Variants in PROCR observed in about 807,000 individuals in gnomAD.
PROCR encodes endothelial protein C receptor.
A neutral mutation model predicts 24.2 loss-of-function variants in PROCR; 22 were observed. The observed-to-expected ratio is 0.91, with a 90% CI of 0.65 to 1.30. PROCR has a LOEUF of 1.30. PROCR is among the 50% of genes most tolerant of loss of function. The pLI is 0.00. For synonymous variants in PROCR, 137 were observed against 139.2 expected, an observed-to-expected ratio of 0.98 and a Z score of 0.11; for missense variants, 288 against 307.7, an observed-to-expected ratio of 0.94 and a Z score of 0.48.
At chr20:35,178,567 G>C (rs2086049370), downstream of PROCR, among the ~76,000 whole-genome samples, 1 of 68,306 alleles carries the variant, frequency 1.5e-5, no homozygotes, top group Non-Finnish European at 2.5e-5. Context: ...CCAGGCTGGA[G>C]TGCAGTGGCG....
Position 35,214,700 on chromosome 20 carries a change from A to AT in PROCR, c.95-1193_95-1192insT, listed in dbSNP as rs2060375038. 2.6e-5 allele frequency among the ~76,000 whole-genome samples: 4 copies of AT among 151,866 alleles called. No individual in the cohort carries two copies. In the East Asian group the frequency reaches 7.8e-4, roughly 30 times the overall value. ...CGAAACTCCATCTCAAAAAAAAAAA[A>AT]AAAAAATTACAAAAGGCTGCATAGT... On this transcript the variant is annotated intron_variant, in intron 1 of 1. Transcript: ENST00000634509.
rs568498149 is a variant in PROCR at position 35,195,844 on chromosome 20, G to C, written c.94+19398G>C. 1.7e-4 allele frequency among the ~76,000 whole-genome samples: 25 copies of C among 146,314 alleles called. No homozygotes were observed. In the South Asian group the frequency reaches 2.1e-3, roughly 13 times the overall value. ...TCAAAAAAAAAAAAAAAAAGAAAAA[G>C]AAAAGAAAGAAAGAAAGAAAAAGAA... On this transcript the variant is annotated intron_variant, in intron 1 of 1. Transcript: ENST00000634509.
chr20:35,176,983 A>G lies in PROCR; in HGVS notation c.*170A>G. On this transcript the variant is annotated 3_prime_UTR_variant, in exon 4 of 4. Transcript: ENST00000216968. ...AAGATTTGAGGGAGGGGAGATGGAGAGGAGAGGTGGACAAAGTACTTGGTT... is the reference window on the plus strand; with the variant it reads ...AAGATTTGAGGGAGGGGAGATGGAGGGGAGAGGTGGACAAAGTACTTGGTT... 6.8e-7 allele frequency: 1 copy of G among 1,476,764 alleles called. No individual in the cohort carries two copies. Among genetic ancestry groups the G allele is most frequent in the Non-Finnish European group, 9.0e-7 (1 of 1,113,606 alleles). 91.5% of individuals were successfully genotyped at this position (1,476,764 alleles called of 1,614,324 possible).
Position 35,175,872 on chromosome 20 carries a change from G to A in PROCR, c.323-296G>A, listed in dbSNP as rs1298067546. Among the ~76,000 whole-genome samples, 4 of 151,298 alleles carry A rather than the reference G, an allele frequency of 2.6e-5. No homozygotes were observed. The East Asian group carries it at 7.8e-4, about 29-fold the overall frequency. ...AGTGCTGGGATTACAGGCGTGAGCT[G>A]CCGCCCCTGCCCCAGCCTCACCCCC... On this transcript the variant is annotated intron_variant, in intron 2 of 3. Transcript: ENST00000216968.
At chr20:35,171,497 T>G (rs1419160684), upstream of PROCR, among the ~76,000 whole-genome samples, 2 of 152,208 alleles carry the variant, frequency 1.3e-5, no homozygotes, top group Non-Finnish European at 2.9e-5. Context: ...TTATACAGAT[T>G]GCTCATAATT....
At chr20:35,183,262 G>A (rs2146154241) in intron 1 of PROCR, among the ~76,000 whole-genome samples, 1 of 152,308 alleles carries the variant, frequency 6.6e-6, no homozygotes, top group Middle Eastern at 3.4e-3. Flanking sequence ...GGCATAATGG[G>A]AGGTGTTTGG....
chr20:35,174,492 C>A, intron 1 of PROCR: 1 of 646,200 alleles, frequency 1.5e-6, no homozygotes, highest in Non-Finnish European at 2.7e-6. Context: ...CCTCAGTTTC[C>A]TCATCTGTAA....
At position 35,176,941 on chromosome 20, in the gene PROCR, C is replaced by G. The variant is rs1389035492; in HGVS notation, c.*128C>G. ...TTTGGAGTGACAGCTCCTTTCTTCT[C>G]CCACATCTGCCCACTGAAGATTTGA... On this transcript the variant is annotated 3_prime_UTR_variant, in exon 4 of 4. Transcript: ENST00000216968. 1 of 1,521,442 alleles carries G rather than the reference C, an allele frequency of 6.6e-7. No homozygotes were observed. The highest frequency in any genetic ancestry group is 1.4e-5 in the African/African-American group (1 of 72,384). The allele number at this position is 1,521,442 out of a possible 1,614,324, so 94.2% of individuals were successfully genotyped here.
At chr20:35,178,947 G>C (rs1027060967), downstream of PROCR, among the ~76,000 whole-genome samples, 1 of 150,794 alleles carries the variant, frequency 6.6e-6, no homozygotes, top group South Asian at 2.1e-4. Flanking sequence ...TATGCCAAGC[G>C]CAAGCTGGGC....
chr20:35,182,124 AC>A (rs1385757943), downstream of PROCR, among the ~76,000 whole-genome samples: 2 of 152,228 alleles, frequency 1.3e-5, no homozygotes, highest in African/African-American at 4.8e-5. Flanking sequence ...GAAAAGGAAA[AC>A]TTTAGATACC....
At chr20:35,175,572 A>ACC (rs372940050) in intron 2 of PROCR, among the ~76,000 whole-genome samples, 3 of 51,388 alleles carry the variant, frequency 5.8e-5, no homozygotes, top group Non-Finnish European at 6.3e-5. Context: ...CCCCCACCCC[A>ACC]CCCCCCTTTT....
chr20:35,193,708 A>G (rs2086192998), intron 1 of PROCR, among the ~76,000 whole-genome samples: 1 of 152,240 alleles, frequency 6.6e-6, no homozygotes. Context: ...AAATGCATTC[A>G]TTATGTACAT....
Position 35,174,788 on chromosome 20 carries a change from C to A in PROCR, c.157C>A (p.His53Asn). 6.2e-7 allele frequency: 1 copy of A among 1,614,118 alleles called. No individual in the cohort carries two copies. Among genetic ancestry groups the A allele is most frequent in the Non-Finnish European group, 8.5e-7 (1 of 1,180,002 alleles). ...CCAGGGCAACGCGTCGCTGGGGGGACACCTAACGCACGTGCTGGAAGGCCC... is the reference window on the plus strand; with the variant it reads ...CCAGGGCAACGCGTCGCTGGGGGGAAACCTAACGCACGTGCTGGAAGGCCC... ...WYQGNASLGG[H>N]LTHVLEGPDT... Residue 53 changes from histidine to asparagine, a missense_variant, in exon 2 of 4, where the codon CAC becomes AAC. His to Asn is a moderately conservative substitution (Grantham distance 68, BLOSUM62 1). Coordinates refer to ENST00000216968, the MANE Select transcript of PROCR (RefSeq NM_006404.5).
intron 1 of PROCR, chr20:35,174,443 GA>G (rs1201475815): frequency 1.1e-5 from 6 of 540,204 alleles, no homozygotes; most frequent in East Asian, 3.3e-5. Flanking sequence ...AGCCGAGGGT[GA>G]AAAAGGAGGC....
chr20:35,191,227 A>G (rs1315242438), intron 1 of PROCR, among the ~76,000 whole-genome samples: 1 of 152,182 alleles, frequency 6.6e-6, no homozygotes, highest in African/African-American at 2.4e-5. Flanking sequence ...GCAGTTCAGT[A>G]ACCTGCTATT....
chr20:35,189,313 G>A (rs2146161520), intron 1 of PROCR, among the ~76,000 whole-genome samples: 1 of 152,170 alleles, frequency 6.6e-6, no homozygotes, highest in Admixed American at 6.5e-5. Flanking sequence ...TCTGCCTTAT[G>A]CAGTTACAGA....
At chr20:35,211,071 A>T (rs371229849) in intron 1 of PROCR, among the ~76,000 whole-genome samples, 5 of 152,228 alleles carry the variant, frequency 3.3e-5, no homozygotes, top group African/African-American at 1.2e-4. Flanking sequence ...TGGAGCCTCA[A>T]CCCCAGGAAC....
At chr20:35,174,629 AG>A in intron 1 of PROCR, 72 bp from the exon 2 acceptor site, 2 of 1,587,416 alleles carry the variant, frequency 1.3e-6, no homozygotes, top group Non-Finnish European at 8.6e-7. Flanking sequence ...GCCTCGAGGT[AG>A]GGGGTTATTA....
At chr20:35,193,956 G>C (rs189655971) in intron 1 of PROCR, among the ~76,000 whole-genome samples, 56 of 152,298 alleles carry the variant, frequency 3.7e-4, no homozygotes, top group Non-Finnish European at 2.9e-5. Flanking sequence ...GGAAATTGAG[G>C]AGAAACCAGT....
Sources: allele counts gnomAD v4.1 joint callset (sites outside exome capture counted in the v4.1 genomes callset), GRCh38; gene constraint gnomAD v4.1.1; transcripts MANE v1.5; gene names NCBI Gene and HGNC (gene_info 2026-07-23, HGNC 2026-07-21).